The following LRRTM1 variants were observed in gnomAD, a reference collection of about 807,000 sequenced individuals.
The protein encoded by LRRTM1 is leucine-rich repeat transmembrane neuronal protein 1.
LRRTM1 carries 8 observed loss-of-function variants against 37.3 expected under a neutral mutation model. The ratio of observed to expected loss-of-function variants is 0.21; its 90% CI spans 0.13 to 0.39. LRRTM1 has a LOEUF of 0.39. Ranked by LOEUF, LRRTM1 falls within the 10% of genes least tolerant of loss-of-function variation. LRRTM1 has a pLI of 1.00. For missense variants in LRRTM1, 557 were observed against 691.0 expected, an observed-to-expected ratio of 0.81 and a Z score of 2.17; for synonymous variants, 326 against 316.8, an observed-to-expected ratio of 1.03 and a Z score of -0.31.
chr2:80,303,258 T>G lies in LRRTM1; in HGVS notation c.562A>C (p.Lys188Gln), dbSNP rs1273457719. The G allele has an allele frequency of 2.5e-6, 4 of 1,613,600 alleles. No individual in the cohort carries two copies. Among genetic ancestry groups the G allele is most frequent in the Non-Finnish European group, 3.4e-6 (4 of 1,179,984 alleles). The change falls in exon 2 of 2, where the codon AAG becomes CAG. Residue 188 changes from lysine (K) to glutamine (Q), a missense_variant. Lys to Gln is a moderately conservative substitution (Grantham distance 53). Around this residue, in one of 5 missense-constraint regions of LRRTM1, gnomAD observed 200 missense variants for 249.9 expected, o/e 0.80. Coordinates refer to ENST00000295057, the MANE Select transcript of LRRTM1 (RefSeq NM_178839.5). The surrounding 1 kb of genome is among the most constrained non-coding windows in gnomAD (Gnocchi z 7.7). ...VRIFQDCRSL[K>Q]FLDIGYNQLK... ...TGATTGTATCCGATGTCGAGAAACT[T>G]GAGGCTGCGGCAGTCCTGGAAGATG...
rs1676449370 is a variant in LRRTM1, at chr2:80,302,651, G to C, written c.1169C>G (p.Ser390Trp). 2.5e-6 allele frequency: 4 copies of C among 1,608,998 alleles called. No homozygotes were observed. Among genetic ancestry groups the C allele is most frequent in the Non-Finnish European group, 3.4e-6 (4 of 1,178,718 alleles). ...CCCGCCGTCCGCGAGCGTGGTGGCC[G>C]AGCTGGCAGGGGGCCCCAGATCACT... ...NRSDLGPPAS[S>W]ATTLADGGEG... is the part of the protein sequence containing the mutation. Residue 390 changes from serine (S) to tryptophan (W), a missense_variant, in exon 2 of 2, where the codon TCG (serine) becomes TGG (tryptophan). Around this residue, in one of 5 missense-constraint regions of LRRTM1, gnomAD observed 89 missense variants for 80.7 expected, o/e 1.10. Coordinates refer to ENST00000295057, the MANE Select transcript of LRRTM1 (RefSeq NM_178839.5). This position sits in a 1 kb window ranked among gnomAD's most constrained non-coding sequence, Gnocchi z 6.4.
Position 80,292,636 on chromosome 2 carries a change from T to C in LRRTM1, c.*307-3441A>G, listed in dbSNP as rs757646928. Among the ~76,000 whole-genome samples, 41 of 152,330 alleles carry C rather than the reference T, an allele frequency of 2.7e-4. 1 individual carries two copies. The South Asian group carries it at 5.8e-3, about 22-fold the overall frequency. Reference sequence around the variant, plus strand: ...AGAAGAAGTGGAGGCCTCTTCTGCATACTCTCATGGTGAGTCTGATAGGCC... The same window carrying C: ...AGAAGAAGTGGAGGCCTCTTCTGCACACTCTCATGGTGAGTCTGATAGGCC... On this transcript the variant is annotated intron_variant and NMD_transcript_variant, in intron 2 of 2. Coordinates refer to the LRRTM1 transcript ENST00000417012.
downstream of LRRTM1, among the ~76,000 whole-genome samples, chr2:80,299,948 T>C (rs151129814): frequency 4.2e-4 from 64 of 152,282 alleles, no homozygotes; most frequent in African/African-American, 1.4e-3. Flanking sequence ...GAGCCCTCCT[T>C]CAGTTGCTAC....
intron 2 of LRRTM1, among the ~76,000 whole-genome samples, chr2:80,291,671 C>T (rs930536771): frequency 6.6e-6 from 1 of 152,138 alleles, no homozygotes; most frequent in Non-Finnish European, 1.5e-5. Flanking sequence ...GCTTGGATAA[C>T]AATTGCAAGC....
Position 80,303,439 on chromosome 2 carries a change from T to C in LRRTM1, c.381A>G (p.Gln127=). Residue 127 remains glutamine (Q), a synonymous_variant, in exon 2 of 2, where the codon CAA becomes CAG. Transcript: ENST00000295057. This position sits in a 1 kb window ranked among gnomAD's most constrained non-coding sequence, Gnocchi z 7.7. ...TGGGCCGGAAGGTGGTGTTGGGCAG[T>C]TGGGTGATCTGGTTGGAACTCAGCG... ...ELTLSSNQIT[Q]LPNTTFRPMP... is the part of the protein sequence containing the mutation. 6.2e-7 allele frequency: 1 copy of C among 1,614,074 alleles called. No individual in the cohort carries two copies. Among genetic ancestry groups the C allele is most frequent in the Non-Finnish European group, 8.5e-7 (1 of 1,180,026 alleles).
downstream of LRRTM1, chr2:80,298,724 T>C (rs1247121486): frequency 1.3e-5 from 2 of 152,222 alleles, no homozygotes; most frequent in African/African-American, 4.8e-5. Flanking sequence ...CTTTGATGAG[T>C]TCAGAAGAAT....
intron 2 of LRRTM1, among the ~76,000 whole-genome samples, chr2:80,294,641 AAAT>A (rs553948234): frequency 6.6e-6 from 1 of 152,016 alleles, no homozygotes; most frequent in African/African-American, 2.4e-5. Context: ...AGCTTAAAAA[AAAT>A]AATAATAATA....
At chr2:80,294,463 CATGGAG>C (rs1675553637) in intron 2 of LRRTM1, among the ~76,000 whole-genome samples, 1 of 151,572 alleles carries the variant, frequency 6.6e-6, no homozygotes. Flanking sequence ...GCCCTGACCC[CATGGAG>C]CCCTGACCCC....
At chr2:80,295,225 A>ATTT (rs11371104) in intron 2 of LRRTM1, among the ~76,000 whole-genome samples, 2 of 147,096 alleles carry the variant, frequency 1.4e-5, no homozygotes, top group Non-Finnish European at 1.5e-5. Flanking sequence ...TCCTGAACAA[A>ATTT]TTTTTTTTTT....
At chr2:80,288,729 A>AT (rs2149173645) in exon 3 of LRRTM1, 1 of 152,292 alleles carries the variant, frequency 6.6e-6, no homozygotes, top group Non-Finnish European at 1.5e-5. Flanking sequence ...TTGGAGCTCG[A>AT]TTTTTCTTCT....
At chr2:80,293,748 T>G (rs1675475157) in intron 2 of LRRTM1, among the ~76,000 whole-genome samples, 1 of 152,208 alleles carries the variant, frequency 6.6e-6, no homozygotes, top group Admixed American at 6.5e-5. Flanking sequence ...GTTTACATTC[T>G]TGGAAGAGCT....
Position 80,301,941 on chromosome 2 carries a change from G to T in LRRTM1, c.*310C>A. ...CAAAAAAAAAAAAAATCAATGATTGGTACCTTTTTTACACTCTCAGATTCC... is the reference window on the plus strand; with the variant it reads ...CAAAAAAAAAAAAAATCAATGATTGTTACCTTTTTTACACTCTCAGATTCC... On this transcript the variant is annotated 3_prime_UTR_variant, in exon 2 of 2. Transcript: ENST00000295057. 1 of 256,766 alleles carries T rather than the reference G, an allele frequency of 3.9e-6. No homozygotes were observed. Among genetic ancestry groups the T allele is most frequent in the Non-Finnish European group, 7.3e-6 (1 of 137,302 alleles). The allele number at this position is 256,766 out of a possible 1,614,324, so 15.9% of individuals were successfully genotyped here. A position where few individuals can be genotyped will look rare whatever the true frequency, so the allele number is the denominator to read the frequency against.
rs1320506230 is a variant in LRRTM1 at position 80,303,433 on chromosome 2, G to C, written c.387C>G (p.Pro129=). 1 of 1,614,226 alleles carries C rather than the reference G, an allele frequency of 6.2e-7. No individual in the cohort carries two copies. Among genetic ancestry groups the C allele is most frequent in the South Asian group, 1.1e-5 (1 of 91,086 alleles). ...TLSSNQITQL[P]NTTFRPMPNL... is the part of the protein sequence containing the mutation. The stretch of plus-strand genomic sequence containing the variant: ...TGGGCATGGGCCGGAAGGTGGTGTT[G>C]GGCAGTTGGGTGATCTGGTTGGAAC... The change falls in exon 2 of 2, where the codon CCC becomes CCG. Residue 129 remains proline (P), a synonymous_variant. Coordinates refer to ENST00000295057, the MANE Select transcript of LRRTM1 (RefSeq NM_178839.5). This position sits in a 1 kb window ranked among gnomAD's most constrained non-coding sequence, Gnocchi z 7.7.
chr2:80,294,534 T>C lies in LRRTM1; in HGVS notation c.*307-5339A>G, dbSNP rs1181400729. ...TTTTTAAAGAGCTGCAGTCAGACTT[T>C]TGGATCTTGTAGATTGCTGAGTTGT... On this transcript the variant is annotated intron_variant and NMD_transcript_variant, in intron 2 of 2. Coordinates refer to the LRRTM1 transcript ENST00000417012. Among the ~76,000 whole-genome samples the C allele has an allele frequency of 2.0e-5, 3 of 152,076 alleles. No homozygotes were observed. In the East Asian group the frequency reaches 5.8e-4, roughly 29 times the overall value.
downstream of LRRTM1, among the ~76,000 whole-genome samples, chr2:80,301,350 A>C (rs1396643438): frequency 6.6e-6 from 1 of 152,164 alleles, no homozygotes; most frequent in Non-Finnish European, 1.5e-5. Flanking sequence ...GCTCCCTTTA[A>C]CAGGGGGTAC....
At position 80,303,742 on chromosome 2, in the gene LRRTM1, C is replaced by G. The variant is rs137894458; in HGVS notation, c.78G>C (p.Gly26=). ...RPSGVVLCLL[G]ACFQMLPAAP... Reference sequence around the variant, plus strand: ...CGGCGGGCAGCATCTGAAAGCAGGCCCCCAGCAGACACAAGACCACCCCCG... The same window carrying G: ...CGGCGGGCAGCATCTGAAAGCAGGCGCCCAGCAGACACAAGACCACCCCCG... The change falls in exon 2 of 2, where the codon GGG becomes GGC. Residue 26 remains glycine (G), a synonymous_variant. Transcript: ENST00000295057. The surrounding 1 kb of genome is among the most constrained non-coding windows in gnomAD (Gnocchi z 7.7). 2 of 1,596,560 alleles carry G rather than the reference C, an allele frequency of 1.3e-6. No individual in the cohort carries two copies. The highest frequency in any genetic ancestry group is 1.7e-6 in the Non-Finnish European group (2 of 1,171,854).
At chr2:80,297,412 C>T (rs1675843391), downstream of LRRTM1, among the ~76,000 whole-genome samples, 1 of 152,190 alleles carries the variant, frequency 6.6e-6, no homozygotes, top group South Asian at 2.1e-4. Flanking sequence ...TAGCACCTCC[C>T]TCACTTATTG....
chr2:80,291,263 C>T (rs752925752), intron 2 of LRRTM1, among the ~76,000 whole-genome samples: 6 of 152,224 alleles, frequency 3.9e-5, no homozygotes, highest in Non-Finnish European at 8.8e-5. Flanking sequence ...TAGAAAGTTA[C>T]TCTTACTTTT....
At chr2:80,290,248 A>C (rs1675122005) in intron 2 of LRRTM1, among the ~76,000 whole-genome samples, 1 of 152,168 alleles carries the variant, frequency 6.6e-6, no homozygotes, top group African/African-American at 2.4e-5. Context: ...GTACATCATG[A>C]GGCCTCCAAA....
Sources: allele counts gnomAD v4.1 joint callset (sites outside exome capture counted in the v4.1 genomes callset), GRCh38; gene constraint gnomAD v4.1.1; regional missense constraint gnomAD v4.1.1; non-coding constraint Gnocchi (gnomAD v3.1); transcripts MANE v1.5; gene names NCBI Gene and HGNC (gene_info 2026-07-23, HGNC 2026-07-21).